DIP2C: variants seen among roughly 807,000 people sequenced by gnomAD.
DIP2C encodes the protein disco-interacting protein 2 homolog C.
Under a neutral mutation model 192.4 loss-of-function variants are expected in DIP2C, and 33 were observed. The ratio of observed to expected loss-of-function variants is 0.17; its 90% CI spans 0.13 to 0.23. The LOEUF (loss-of-function observed/expected upper bound fraction) is 0.23, where lower values mean the gene tolerates loss of function less well. Among genes scored for constraint, DIP2C ranks in the 10% least tolerant of loss-of-function variants. The pLI is 1.00. For missense variants in DIP2C, 1,537 were observed against 2,110.1 expected, an observed-to-expected ratio of 0.73 and a Z score of 5.32; for synonymous variants, 979 against 864.1, an observed-to-expected ratio of 1.13 and a Z score of -2.33.
chr10:277,890 G>A (rs1589367606), intron 36 of DIP2C, among the ~76,000 whole-genome samples: 1 of 152,222 alleles, frequency 6.6e-6, no homozygotes, highest in East Asian at 1.9e-4. Context: ...TTCCAGTGCT[G>A]CCTCTTTGCT....
chr10:391,590 ACT>A (rs998729377), intron 10 of DIP2C, among the ~76,000 whole-genome samples: 2 of 152,208 alleles, frequency 1.3e-5, no homozygotes, highest in African/African-American at 2.4e-5. Context: ...CACTCGCATC[ACT>A]CTCTCTACGC....
chr10:421,589 A>C (rs1487951183), intron 5 of DIP2C, among the ~76,000 whole-genome samples: 1 of 152,210 alleles, frequency 6.6e-6, no homozygotes, highest in Non-Finnish European at 1.5e-5. Context: ...ACAGGTTATT[A>C]ATTCACATAA....
At chr10:341,361 G>A (rs773059581) in intron 28 of DIP2C, 32 bp from the exon 29 acceptor site, 28 of 1,611,830 alleles carry the variant, frequency 1.7e-5, no homozygotes, top group Non-Finnish European at 2.0e-5. Flanking sequence ...TAAACGCATC[G>A]GACCTGACAC....
intron 36 of DIP2C, among the ~76,000 whole-genome samples, chr10:280,884 G>C (rs923610832): frequency 1.3e-5 from 2 of 152,184 alleles, no homozygotes; most frequent in Non-Finnish European, 2.9e-5. Context: ...ACATATGTGT[G>C]AGGTTTGTTT....
intron 1 of DIP2C, among the ~76,000 whole-genome samples, chr10:676,222 T>TA (rs1830871505): frequency 6.6e-6 from 1 of 152,130 alleles, no homozygotes; most frequent in Admixed American, 6.5e-5. Context: ...TGCTTCATGA[T>TA]AAAAACTCTC....
chr10:279,463 G>T (rs1367357962), intron 36 of DIP2C, among the ~76,000 whole-genome samples: 5 of 152,224 alleles, frequency 3.3e-5, no homozygotes, highest in Non-Finnish European at 1.5e-5. Flanking sequence ...GGACCTATGG[G>T]GTGGTGCCAG....
intron 25 of DIP2C, among the ~76,000 whole-genome samples, chr10:348,993 A>G (rs1207068157): frequency 6.6e-6 from 1 of 152,208 alleles, no homozygotes; most frequent in Non-Finnish European, 1.5e-5. Context: ...TGTCTACATC[A>G]TTTTGCTAAG....
intron 1 of DIP2C, among the ~76,000 whole-genome samples, chr10:592,684 T>G (rs1320991027): frequency 6.6e-6 from 1 of 152,164 alleles, no homozygotes; most frequent in Non-Finnish European, 1.5e-5. Flanking sequence ...CAACACTATT[T>G]TTAATTCTTT....
chr10:353,224 C>T (rs1958909707), intron 24 of DIP2C, among the ~76,000 whole-genome samples: 1 of 152,052 alleles, frequency 6.6e-6, no homozygotes, highest in African/African-American at 2.4e-5. Flanking sequence ...CATTCACTGT[C>T]AGTTTCTGTA....
intron 17 of DIP2C, among the ~76,000 whole-genome samples, chr10:374,453 A>C (rs1961332250): frequency 6.6e-6 from 1 of 152,212 alleles, no homozygotes; most frequent in Non-Finnish European, 1.5e-5. Context: ...AACCCTGTGG[A>C]GATGGGTGCA....
At chr10:400,560 G>A (rs1164047609) in intron 9 of DIP2C, among the ~76,000 whole-genome samples, 1 of 151,982 alleles carries the variant, frequency 6.6e-6, no homozygotes, top group Non-Finnish European at 1.5e-5. Context: ...TTTTACACGT[G>A]TGGTAGCATT....
intron 1 of DIP2C, among the ~76,000 whole-genome samples, chr10:546,845 C>A (rs1848310113): frequency 6.6e-6 from 1 of 151,886 alleles, no homozygotes; most frequent in African/African-American, 2.4e-5. Flanking sequence ...GTGGCAGACA[C>A]AAGATTTGTA....
intron 9 of DIP2C, among the ~76,000 whole-genome samples, chr10:405,335 G>A (rs1218265893): frequency 6.6e-6 from 1 of 152,196 alleles, no homozygotes; most frequent in African/African-American, 2.4e-5. Flanking sequence ...AGTTAATGCT[G>A]AAAATTTCAT....
At chr10:428,485 G>A (rs911269992) in intron 4 of DIP2C, among the ~76,000 whole-genome samples, 1 of 152,080 alleles carries the variant, frequency 6.6e-6, no homozygotes, top group Non-Finnish European at 1.5e-5. Flanking sequence ...TGGTCTTCTG[G>A]TCTCCATTGT....
intron 1 of DIP2C, among the ~76,000 whole-genome samples, chr10:520,063 T>C (rs1846600388): frequency 6.6e-6 from 1 of 152,246 alleles, no homozygotes; most frequent in Admixed American, 6.5e-5. Flanking sequence ...AGCAGTTTAC[T>C]TACATTCTGG....
chr10:616,760 TAG>T (rs374155639), intron 1 of DIP2C, among the ~76,000 whole-genome samples: 24 of 152,274 alleles, frequency 1.6e-4, no homozygotes, highest in South Asian at 2.1e-4. Flanking sequence ...CAGGCAAGCA[TAG>T]AGAGTCTAAT....
intron 1 of DIP2C, among the ~76,000 whole-genome samples, chr10:671,436 C>T (rs1416727756): frequency 7.8e-6 from 1 of 128,100 alleles, no homozygotes; most frequent in Non-Finnish European, 1.6e-5. Flanking sequence ...ACGTCACAGA[C>T]GCACGGACGG....
At chr10:377,141 G>T (rs1360233732) in intron 17 of DIP2C, among the ~76,000 whole-genome samples, 8 of 138,622 alleles carry the variant, frequency 5.8e-5, no homozygotes, top group South Asian at 2.3e-4. Flanking sequence ...GTGCAGCGCA[G>T]TTTTTTTTTT....
chr10:642,584 CCTT>C lies in DIP2C; in HGVS notation c.85+46907_85+46909del, dbSNP rs537520597. On this transcript the variant is annotated intron_variant, in intron 1 of 36. Coordinates refer to ENST00000280886, the MANE Select transcript of DIP2C (RefSeq NM_014974.3). ...AGTGATAAATATCACTGCTGTTAGA[CCTT>C]CTGCTCACTGATGACCAGAGCAAGG... Among the ~76,000 whole-genome samples, 321 of 152,374 alleles carry C rather than the reference CCTT, an allele frequency of 2.1e-3. 1 individual carries two copies. Among genetic ancestry groups the C allele is most frequent in the Middle Eastern group, 6.8e-3 (2 of 294 alleles).
Sources: allele counts gnomAD v4.1 joint callset (sites outside exome capture counted in the v4.1 genomes callset), GRCh38; gene constraint gnomAD v4.1.1; transcripts MANE v1.5; gene names NCBI Gene and HGNC (gene_info 2026-07-23, HGNC 2026-07-21).